Variants in CTSW observed in about 807,000 individuals in gnomAD.
The protein encoded by CTSW is cathepsin W.
In CTSW, 42 loss-of-function variants were observed where a neutral mutation model predicts 43.8. That is an observed-to-expected ratio of 0.96 (90% CI 0.75 to 1.24). The LOEUF (loss-of-function observed/expected upper bound fraction) is 1.24, where lower values mean the gene tolerates loss of function less well. Among genes scored for constraint, CTSW ranks in the 50% most tolerant of loss-of-function variants. The pLI, the probability that CTSW is intolerant of heterozygous loss-of-function variation, is 0.00. For missense variants in CTSW, 475 were observed against 479.9 expected (o/e 0.99, Z 0.09); for synonymous variants, 191 against 184.8 (o/e 1.03, Z -0.27).
Position 65,880,197 on chromosome 11 carries a change from G to A in CTSW, c.88-5G>A. The A allele has an allele frequency of 6.2e-7, 1 of 1,613,762 alleles. No homozygotes were observed. Among genetic ancestry groups the A allele is most frequent in the Non-Finnish European group, 8.5e-7 (1 of 1,179,690 alleles). On this transcript the variant is annotated splice_region_variant and splice_polypyrimidine_tract_variant and intron_variant, in intron 1 of 9. Transcript: ENST00000307886. The stretch of plus-strand genomic sequence containing the variant: ...TGCCCCTCTCCACCCTTGGTTCCTT[G>A]CCAGGACCTAGGTCCCCAGCCGCTA...
chr11:65,881,606 AT>A, intron 3 of CTSW, 86 bp downstream of exon 3: 1 of 858,660 alleles, frequency 1.2e-6, no homozygotes, highest in Non-Finnish European at 1.8e-6. Flanking sequence ...CGGACCTTCA[AT>A]TTTTACTTCC....
intron 1 of CTSW, 102 bp from the exon 2 acceptor site, chr11:65,880,100 G>C: frequency 7.9e-7 from 1 of 1,265,622 alleles, no homozygotes; most frequent in Non-Finnish European, 1.1e-6. Flanking sequence ...AAGGCTAACT[G>C]GCTGACCCCT....
rs34035680 is a variant in CTSW at position 65,882,706 on chromosome 11, G to C, written c.619+17G>C. 1 of 1,613,984 alleles carries C rather than the reference G, an allele frequency of 6.2e-7. No homozygotes were observed. Among genetic ancestry groups the C allele is most frequent in the South Asian group, 1.1e-5 (1 of 91,094 alleles). Reference sequence around the variant, plus strand: ...TCAACAACAGTGAGTGCACTGCCCCGCCACTCTGGACATCTGCAGGGGGAC... The same window carrying C: ...TCAACAACAGTGAGTGCACTGCCCCCCCACTCTGGACATCTGCAGGGGGAC... On this transcript the variant is annotated intron_variant, in intron 6 of 9. Coordinates refer to ENST00000307886, the MANE Select transcript of CTSW (RefSeq NM_001335.4).
Position 65,883,641 on chromosome 11 carries a change from T to G in CTSW, c.*23T>G. 2.5e-6 allele frequency: 4 copies of G among 1,597,632 alleles called. No individual in the cohort carries two copies. The highest frequency in any genetic ancestry group is 3.4e-6 in the Non-Finnish European group (4 of 1,166,576). Reference sequence around the variant, plus strand: ...TGAACCCACCTGGCCCCCTCAGCTCTGTCCTGTTAGGCCAACTGCCTCCTT... The same window carrying G: ...TGAACCCACCTGGCCCCCTCAGCTCGGTCCTGTTAGGCCAACTGCCTCCTT... On this transcript the variant is annotated 3_prime_UTR_variant, in exon 10 of 10. Transcript: ENST00000307886.
chr11:65,879,927 C>G lies in CTSW; in HGVS notation c.73C>G (p.Pro25Ala), dbSNP rs1183796917. The G allele has an allele frequency of 6.2e-7, 1 of 1,613,012 alleles. No homozygotes were observed. The change falls in exon 1 of 10, where the codon CCC (proline) becomes GCC (alanine). Residue 25 changes from proline to alanine, a missense_variant. Pro to Ala is a conservative substitution (Grantham distance 27, BLOSUM62 -1). Coordinates refer to ENST00000307886, the MANE Select transcript of CTSW (RefSeq NM_001335.4). ...VAGLAQGIRG[P>A]LRAQDLGPQP... Reference sequence around the variant, plus strand: ...AGGCCTAGCCCAAGGCATCAGAGGCCCCCTTAGGGCCCAGGTAAGTGCTCC... The same window carrying G: ...AGGCCTAGCCCAAGGCATCAGAGGCGCCCTTAGGGCCCAGGTAAGTGCTCC...
chr11:65,883,370 C>A lies in CTSW; in HGVS notation c.966C>A (p.His322Gln). 1 of 1,614,114 alleles carries A rather than the reference C, an allele frequency of 6.2e-7. No homozygotes were observed. Among genetic ancestry groups the A allele is most frequent in the Non-Finnish European group, 8.5e-7 (1 of 1,180,006 alleles). The change falls in exon 9 of 10, where the codon CAC becomes CAA. Residue 322 changes from histidine to glutamine, a missense_variant. Coordinates refer to ENST00000307886, the MANE Select transcript of CTSW (RefSeq NM_001335.4). ...VSSQSQPQPP[H>Q]PTPYWILKNS... ...CGCAGTCTCAGCCTCAGCCTCCACA[C>A]CCCACCCCATACTGGATCCTGAAGA...
chr11:65,881,548 T>C (rs1860106158), intron 3 of CTSW, 28 bp downstream of exon 3: 1 of 1,521,336 alleles, frequency 6.6e-7, no homozygotes, highest in African/African-American at 1.4e-5. Context: ...GGCTCGTAGG[T>C]GGTGGTTGGG....
Position 65,883,365 on chromosome 11 carries a change from C to T in CTSW, c.961C>T (p.Pro321Ser). The change falls in exon 9 of 10, where the codon CCA becomes TCA. Residue 321 changes from proline to serine, a missense_variant. By Grantham distance (74) the Pro-to-Ser change is moderately conservative. Coordinates refer to ENST00000307886, the MANE Select transcript of CTSW (RefSeq NM_001335.4). ...TVSSQSQPQPPHPTPYWILKN... is the reference protein window; with the variant it reads ...TVSSQSQPQPSHPTPYWILKN... ...CTCATCGCAGTCTCAGCCTCAGCCT[C>T]CACACCCCACCCCATACTGGATCCT... The T allele has an allele frequency of 6.2e-7, 1 of 1,614,114 alleles. No individual in the cohort carries two copies. Among genetic ancestry groups the T allele is most frequent in the Non-Finnish European group, 8.5e-7 (1 of 1,180,018 alleles).
intron 2 of CTSW, 104 bp from the exon 3 acceptor site, chr11:65,881,303 A>G: frequency 1.6e-6 from 1 of 628,924 alleles, no homozygotes. Flanking sequence ...GAAAGGAGCC[A>G]GTGCTCAACT....
chr11:65,883,371 C>T lies in CTSW; in HGVS notation c.967C>T (p.Pro323Ser). Residue 323 changes from proline (P) to serine (S), a missense_variant, in exon 9 of 10, where the codon CCC (proline) becomes TCC (serine). Transcript: ENST00000307886. ...GCAGTCTCAGCCTCAGCCTCCACAC[C>T]CCACCCCATACTGGATCCTGAAGAA... ...SSQSQPQPPH[P>S]TPYWILKNSW... 6.2e-7 allele frequency: 1 copy of T among 1,614,100 alleles called. No individual in the cohort carries two copies. The highest frequency in any genetic ancestry group is 1.1e-5 in the South Asian group (1 of 91,084).
In CTSW at chr11:65,882,348, C is replaced by A; in HGVS notation, c.441+19C>A. On this transcript the variant is annotated intron_variant, in intron 4 of 9. Transcript: ENST00000307886. The stretch of plus-strand genomic sequence containing the variant: ...GGACCAGGTATCTGCCGCTACCCAG[C>A]TGGCTCTAATTCAGCTAAGTGGTGG... 6.2e-7 allele frequency: 1 copy of A among 1,614,074 alleles called. No individual in the cohort carries two copies. The highest frequency in any genetic ancestry group is 8.5e-7 in the Non-Finnish European group (1 of 1,179,964).
At position 65,883,603 on chromosome 11, in the gene CTSW, C is replaced by T; in HGVS notation, c.1116C>T (p.Val372=). 1 of 1,613,874 alleles carries T rather than the reference C, an allele frequency of 6.2e-7. No homozygotes were observed. The highest frequency in any genetic ancestry group is 1.3e-5 in the African/African-American group (1 of 75,038). ...RVQKPDMKPR[V]SCPP Reference sequence around the variant, plus strand: ...AGAAACCGGATATGAAGCCCCGAGTCTCCTGCCCTCCCTGAACCCACCTGG... The same window carrying T: ...AGAAACCGGATATGAAGCCCCGAGTTTCCTGCCCTCCCTGAACCCACCTGG... Residue 372 remains valine, a synonymous_variant, in exon 10 of 10, where the codon GTC becomes GTT. Transcript: ENST00000307886.
chr11:65,880,132 G>C lies in CTSW; in HGVS notation c.88-70G>C, dbSNP rs201885712. ...CCCTAGCCCAGTCCTTGCACGGCTG[G>C]GAACTAAGGTGGGGCCCCAGCAATG... On this transcript the variant is annotated intron_variant, in intron 1 of 9. Coordinates refer to ENST00000307886, the MANE Select transcript of CTSW (RefSeq NM_001335.4). The C allele has an allele frequency of 1.4e-3, 2,047 of 1,424,088 alleles. 5 individuals carry two copies. The highest frequency in any genetic ancestry group is 1.9e-3 in the Non-Finnish European group (1,874 of 1,009,756). 88.2% of individuals were successfully genotyped at this position (1,424,088 alleles called of 1,614,324 possible).
chr11:65,882,585 CCA>C, intron 5 of CTSW, 22 bp from the exon 6 acceptor site: 1 of 1,614,162 alleles, frequency 6.2e-7, no homozygotes, highest in South Asian at 1.1e-5. Flanking sequence ...GCCTGGTCAC[CCA>C]CACTGTCCCT....
chr11:65,882,790 A>G lies in CTSW; in HGVS notation c.631A>G (p.Ser211Gly). ...TTGCTTATCTGCAGGCGGCCTGGCC[A>G]GTGAAAAGGACTACCCGTTCCAGGG... is the stretch of plus-strand genomic sequence containing the variant. Reference protein sequence around the residue: ...ITVLNNSGLASEKDYPFQGKV... With the variant: ...ITVLNNSGLAGEKDYPFQGKV... The change falls in exon 7 of 10, where the codon AGT becomes GGT. Residue 211 changes from serine to glycine, a missense_variant. By Grantham distance (56) the Ser-to-Gly change is moderately conservative (BLOSUM62 0). Coordinates refer to ENST00000307886, the MANE Select transcript of CTSW (RefSeq NM_001335.4). 1 of 1,614,202 alleles carries G rather than the reference A, an allele frequency of 6.2e-7. No homozygotes were observed. Among genetic ancestry groups the G allele is most frequent in the Non-Finnish European group, 8.5e-7 (1 of 1,180,040 alleles).
At chr11:65,880,375 G>A (rs1433955587) in intron 2 of CTSW, 89 bp downstream of exon 2, 2 of 1,053,502 alleles carry the variant, frequency 1.9e-6, no homozygotes, top group Non-Finnish European at 2.8e-6. Context: ...AGGCTGGAGT[G>A]CAATGGTGTC....
intron 2 of CTSW, 173 bp downstream of exon 2, chr11:65,880,459 T>C (rs1860092434): frequency 2.0e-6 from 1 of 504,278 alleles, no homozygotes; most frequent in South Asian, 2.0e-5. Context: ...TAGCTGGGAT[T>C]ACAGGCATGC....
chr11:65,883,203 C>T lies in CTSW; in HGVS notation c.811-12C>T. The T allele has an allele frequency of 1.2e-6, 2 of 1,613,732 alleles. No individual in the cohort carries two copies. ...GCCCCACACTCAGCCCCTCGGCCCCCACCCCCTGCAGCTATACCGGAAAGG... is the reference window on the plus strand; with the variant it reads ...GCCCCACACTCAGCCCCTCGGCCCCTACCCCCTGCAGCTATACCGGAAAGG... On this transcript the variant is annotated splice_polypyrimidine_tract_variant and intron_variant, in intron 8 of 9. Transcript: ENST00000307886.
At chr11:65,880,159 T>C (rs1177912679) in intron 1 of CTSW, 43 bp from the exon 2 acceptor site, 18 of 1,562,946 alleles carry the variant, frequency 1.2e-5, no homozygotes, top group Non-Finnish European at 1.4e-5. Context: ...CCAGCAATGA[T>C]TCCTCTGCCC....
Sources: allele counts gnomAD v4.1 joint callset, GRCh38; gene constraint gnomAD v4.1.1; transcripts MANE v1.5; gene names NCBI Gene and HGNC (gene_info 2026-07-23, HGNC 2026-07-21).